L1CAM: variants seen among roughly 807,000 people sequenced by gnomAD.
The protein encoded by L1CAM is neural cell adhesion molecule L1.
A neutral mutation model predicts 93.0 loss-of-function variants in L1CAM; 8 were observed. The observed-to-expected ratio is 0.09, with a 90% CI of 0.05 to 0.16. The LOEUF is 0.16. Ranked by LOEUF, L1CAM falls within the 10% of genes least tolerant of loss-of-function variation. The pLI is 1.00. For synonymous variants in L1CAM, 453 were observed against 453.0 expected (o/e 1.00, Z 0.00); for missense variants, 777 against 1,073.4 (o/e 0.72, Z 3.86).
intron 1 of L1CAM, chrX:153,885,783 C>T (rs1557096817): frequency 1.3e-6 from 1 of 791,734 alleles, no homozygotes; most frequent in Non-Finnish European, 1.5e-6. Context: ...CTGCCTGACG[C>T]CCCCCGCCCT....
At chrX:153,880,494 C>T (rs1689496812) in intron 1 of L1CAM, 1 of 252,978 alleles carries the variant, frequency 4.0e-6, no homozygotes, top group Non-Finnish European at 7.8e-6. Flanking sequence ...GGGCTGGGGG[C>T]TCAGCACAGG....
intron 9 of L1CAM, 33 bp from the exon 10 acceptor site, chrX:153,869,967 C>T: frequency 1.7e-6 from 2 of 1,209,895 alleles, no homozygotes; most frequent in Admixed American, 2.2e-5. Flanking sequence ...CCTGAGCCCG[C>T]AGCCAGCAGC....
intron 11 of L1CAM, 87 bp downstream of exon 11, chrX:153,869,433 C>T (rs2064746267): frequency 9.2e-7 from 1 of 1,085,835 alleles, no homozygotes; most frequent in Admixed American, 2.3e-5. Context: ...GACACATCAG[C>T]TGCCAGCTGA....
At chrX:153,869,724 T>C in intron 10 of L1CAM, 61 bp from the exon 11 acceptor site, 1 of 1,201,097 alleles carries the variant, frequency 8.3e-7, no homozygotes, top group Non-Finnish European at 1.1e-6. Context: ...GTTGAGGCCC[T>C]TCCTCACCCT....
rs782031914 is a variant in L1CAM at position 153,865,333 on chromosome X, G to A, written c.2715C>T (p.Pro905=). 12 of 1,211,064 alleles carry A rather than the reference G, an allele frequency of 9.9e-6. No individual in the cohort carries two copies. In the East Asian group the frequency reaches 1.8e-4, roughly 18 times the overall value. The change falls in exon 21 of 29, where the codon CCC becomes CCT. Residue 905 remains proline, a synonymous_variant. Transcript: ENST00000370060. ...GGGTGCTGAAGGTGAACTCGCTGGC[G>A]GGCCCCGATCCTCGCCCGTTAAAGG... ...VQAFNGRGSG[P]ASEFTFSTPE...
rs782086274 is a variant in L1CAM at position 153,862,849 on chromosome X, G to A, written c.3588C>T (p.Asn1196=). The A allele has an allele frequency of 2.1e-5, 25 of 1,212,168 alleles. No homozygotes were observed. The highest frequency in any genetic ancestry group is 1.2e-4 in the South Asian group (7 of 57,035). Residue 1196 remains asparagine (N), a synonymous_variant, in exon 29 of 29, where the codon AAC becomes AAT. Transcript: ENST00000370060. ...KAFGSSQPSL[N]GDIKPLGSDD... is the part of the protein sequence containing the mutation. The stretch of plus-strand genomic sequence containing the variant: ...CACTGCCCAGGGGCTTGATGTCCCC[G>A]TTGAGCGATGGCTGGCTGCTGCCAA...
chrX:153,862,933 C>T (rs200931972), intron 28 of L1CAM, 39 bp from the exon 29 acceptor site: 30 of 1,078,732 alleles, frequency 2.8e-5, no homozygotes, highest in Non-Finnish European at 3.5e-5. Flanking sequence ...AGAGCACTGC[C>T]GAGCCCCTGC....
chrX:153,868,988 C>G lies in L1CAM; in HGVS notation c.1268-36G>C, dbSNP rs782103779. 104 of 1,086,463 alleles carry G rather than the reference C, an allele frequency of 9.6e-5. No individual in the cohort carries two copies. In the East Asian group the frequency reaches 1.7e-3, roughly 17 times the overall value. The allele number at this position is 1,086,463 out of a possible 1,213,427, so 89.5% of individuals were successfully genotyped here. Reference sequence around the variant, plus strand: ...AACAGCCTCAGGAGACAGGGCAGGACTTGGGACCACAGCTGGGCCAGGAGC... The same window carrying G: ...AACAGCCTCAGGAGACAGGGCAGGAGTTGGGACCACAGCTGGGCCAGGAGC... On this transcript the variant is annotated intron_variant, in intron 11 of 28. Transcript: ENST00000370060.
rs1603276254 is a variant in L1CAM at position 153,871,191 on chromosome X, A to G, written c.401-12T>C. ...CCACTTGGGGGCACCTAGAAGGGAC[A>G]GACGGGCTGACACTCTCCTCCTGGT... On this transcript the variant is annotated splice_polypyrimidine_tract_variant and intron_variant, in intron 5 of 28. Transcript: ENST00000370060. 8.7e-7 allele frequency: 1 copy of G among 1,149,376 alleles called. No homozygotes were observed. Among genetic ancestry groups the G allele is most frequent in the African/African-American group, 1.8e-5 (1 of 54,851 alleles). The allele number at this position is 1,149,376 out of a possible 1,213,427, so 94.7% of individuals were successfully genotyped here. A position where few individuals can be genotyped will look rare whatever the true frequency, so the allele number is the denominator to read the frequency against.
At position 153,867,530 on chromosome X, in the gene L1CAM, T is replaced by C. The variant is rs1375788131; in HGVS notation, c.1963A>G (p.Lys655Glu). 2 of 1,210,640 alleles carry C rather than the reference T, an allele frequency of 1.7e-6. No individual in the cohort carries two copies. Among genetic ancestry groups the C allele is most frequent in the Non-Finnish European group, 2.2e-6 (2 of 894,312 alleles). Residue 655 changes from lysine to glutamate, a missense_variant, in exon 17 of 29, where the codon AAG (lysine) becomes GAG (glutamate). Coordinates refer to ENST00000370060, the MANE Select transcript of L1CAM (RefSeq NM_001278116.2). Reference protein sequence around the residue: ...IEKYDIEFEDKEMAPEKWYSL... With the variant: ...IEKYDIEFEDEEMAPEKWYSL... ...TACCATTTTTCAGGCGCCATTTCCT[T>C]GTCCTCAAATTCAATGTCATATTCT...
At chrX:153,876,211 C>T in intron 1 of L1CAM, 1 of 410,723 alleles carries the variant, frequency 2.4e-6, no homozygotes. Flanking sequence ...CTGCCAGCTG[C>T]CTTCCCAGCA....
chrX:153,868,438 C>T lies in L1CAM; in HGVS notation c.1567G>A (p.Gly523Arg), dbSNP rs782104803. 1.7e-6 allele frequency: 2 copies of T among 1,211,861 alleles called. No individual in the cohort carries two copies. The highest frequency in any genetic ancestry group is 5.9e-5 in the East Asian group (2 of 33,813). The change falls in exon 14 of 29, where the codon GGG becomes AGG. Residue 523 changes from glycine (G) to arginine (R), a missense_variant. Gly to Arg is a moderately radical substitution (Grantham distance 125, BLOSUM62 -2). Around this residue, in one of 5 missense-constraint regions of L1CAM, gnomAD observed 574 missense variants for 781.0 expected, o/e 0.73. Coordinates refer to ENST00000370060, the MANE Select transcript of L1CAM (RefSeq NM_001278116.2). The stretch of plus-strand genomic sequence containing the variant: ...TTCTTCTCGATTGTGCTGCGGGGCC[C>T]CTGAGTGATCTGAGTTGCATCTGAG... Reference protein sequence around the residue: ...KVKDATQITQGPRSTIEKKGS... With the variant: ...KVKDATQITQRPRSTIEKKGS...
intron 2 of L1CAM, among the ~76,000 whole-genome samples, chrX:153,874,795 C>T (rs782604874): frequency 8.9e-6 from 1 of 112,243 alleles, no homozygotes; most frequent in Non-Finnish European, 1.9e-5. Context: ...ACATGATACC[C>T]TGTGACATGC....
chrX:153,868,590 A>G lies in L1CAM; in HGVS notation c.1517T>C (p.Val506Ala). 1 of 1,212,008 alleles carries G rather than the reference A, an allele frequency of 8.3e-7. No homozygotes were observed. Among genetic ancestry groups the G allele is most frequent in the Non-Finnish European group, 1.1e-6 (1 of 895,527 alleles). Reference sequence around the variant, plus strand: ...AACCTTCAGGTTAGCCATGATGGTAACATTGTTTTGGTCATTGGCAGCCAG... The same window carrying G: ...AACCTTCAGGTTAGCCATGATGGTAGCATTGTTTTGGTCATTGGCAGCCAG... ...FCLAANDQNN[V>A]TIMANLKVKD... Residue 506 changes from valine (V) to alanine (A), a missense_variant, in exon 13 of 29, where the codon GTT becomes GCT. Physicochemically the swap from Val to Ala is moderately conservative, Grantham distance 64. Around this residue, in one of 5 missense-constraint regions of L1CAM, gnomAD observed 574 missense variants for 781.0 expected, o/e 0.73. Transcript: ENST00000370060.
At chrX:153,884,041 C>G (rs1557096368) in intron 1 of L1CAM, 1 of 389,661 alleles carries the variant, frequency 2.6e-6, no homozygotes, top group Non-Finnish European at 4.7e-6. Context: ...GGGCACCCTG[C>G]TCACTGTAGG....
Position 153,879,144 on chromosome X carries a change from AGC to A in L1CAM, c.-108-3202_-108-3201del, listed in dbSNP as rs1225554868. Among the ~76,000 whole-genome samples the A allele has an allele frequency of 7.2e-5, 8 of 110,883 alleles. No individual in the cohort carries two copies. The Admixed American group carries it at 7.7e-4, about 11-fold the overall frequency. On this transcript the variant is annotated intron_variant, in intron 1 of 28. Coordinates refer to ENST00000370060, the MANE Select transcript of L1CAM (RefSeq NM_001278116.2). The stretch of plus-strand genomic sequence containing the variant: ...CCACCAGCACCACTAAGGGCAAAGG[AGC>A]GGGGAGGGGGGAGTGTTCCACAGAT...
chrX:153,867,468 G>A lies in L1CAM; in HGVS notation c.2025C>T (p.Thr675=), dbSNP rs1557091359. The change falls in exon 17 of 29, where the codon ACC becomes ACT. Residue 675 remains threonine (T), a synonymous_variant. Coordinates refer to ENST00000370060, the MANE Select transcript of L1CAM (RefSeq NM_001278116.2). ...LGKVPGNQTS[T]TLKLSPYVHY... Reference sequence around the variant, plus strand: ...GGACATAGGGCGACAGCTTGAGGGTGGTAGAGGTCTGGTTCCCTGGAACCT... The same window carrying A: ...GGACATAGGGCGACAGCTTGAGGGTAGTAGAGGTCTGGTTCCCTGGAACCT... 3 of 1,208,662 alleles carry A rather than the reference G, an allele frequency of 2.5e-6. No individual in the cohort carries two copies. Among genetic ancestry groups the A allele is most frequent in the East Asian group, 3.0e-5 (1 of 33,851 alleles).
At chrX:153,879,785 G>C (rs973188481) in intron 1 of L1CAM, among the ~76,000 whole-genome samples, 1 of 111,046 alleles carries the variant, frequency 9.0e-6, no homozygotes, top group Non-Finnish European at 1.9e-5. Context: ...GGGTAGGAAC[G>C]GGGGGAGGGG....
At chrX:153,885,227 G>A (rs2064871511) in intron 1 of L1CAM, 4 of 320,011 alleles carry the variant, frequency 1.2e-5, no homozygotes, top group Non-Finnish European at 2.4e-5. Context: ...CAGTGCGCAG[G>A]GACCGCCTGA....
Sources: gnomAD v4.1 joint callset for allele counts (sites outside exome capture counted in the v4.1 genomes callset) on GRCh38, gnomAD v4.1.1 for gene constraint, gnomAD v4.1.1 regional missense constraint, MANE v1.5 for transcripts, NCBI Gene and HGNC (gene_info 2026-07-23, HGNC 2026-07-21) for gene names.